MYH10: variants seen among roughly 807,000 people sequenced by gnomAD.
MYH10 encodes myosin heavy chain 10.
Under a neutral mutation model 257.8 loss-of-function variants are expected in MYH10, and 55 were observed. That is an observed-to-expected ratio of 0.21 (90% CI 0.17 to 0.27). The LOEUF (loss-of-function observed/expected upper bound fraction) is 0.27, where lower values mean the gene tolerates loss of function less well. Among genes scored for constraint, MYH10 ranks in the 10% least tolerant of loss-of-function variants. The pLI, the probability that MYH10 is intolerant of heterozygous loss-of-function variation, is 1.00. For synonymous variants in MYH10, 854 were observed against 921.7 expected (o/e 0.93, Z 1.33); for missense variants, 1,631 against 2,500.6 (o/e 0.65, Z 7.42).
At chr17:8,620,352 A>G (rs1396450026) in intron 2 of MYH10, among the ~76,000 whole-genome samples, 1 of 152,232 alleles carries the variant, frequency 6.6e-6, no homozygotes, top group Admixed American at 6.5e-5. Context: ...GAAAATATTT[A>G]GAACTGAAGA....
chr17:8,508,709 G>A, intron 25 of MYH10, 32 bp from the exon 26 acceptor site: 1 of 1,611,834 alleles, frequency 6.2e-7, no homozygotes, highest in Non-Finnish European at 8.5e-7. Flanking sequence ...CTTCAGAAAA[G>A]CCATTCAGAA....
intron 3 of MYH10, among the ~76,000 whole-genome samples, chr17:8,592,558 A>G (rs1361434768): frequency 6.6e-6 from 1 of 151,928 alleles, no homozygotes; most frequent in Non-Finnish European, 1.5e-5. Flanking sequence ...GATGAAAGGG[A>G]TAAATTATTT....
chr17:8,479,298 T>G (rs1047998012), intron 40 of MYH10, among the ~76,000 whole-genome samples: 2 of 152,156 alleles, frequency 1.3e-5, no homozygotes, highest in African/African-American at 2.4e-5. Flanking sequence ...AATCCATGTT[T>G]CCAGATGCAT....
At chr17:8,520,367 G>A (rs553729984) in intron 19 of MYH10, among the ~76,000 whole-genome samples, 61 of 152,230 alleles carry the variant, frequency 4.0e-4, no homozygotes, top group African/African-American at 9.9e-4. Flanking sequence ...ATGGTGGCAC[G>A]TGCCTGTAGT....
At chr17:8,541,537 C>T (rs552835805) in intron 14 of MYH10, among the ~76,000 whole-genome samples, 4 of 152,042 alleles carry the variant, frequency 2.6e-5, no homozygotes, top group South Asian at 2.1e-4. Context: ...GAAGCTTGAA[C>T]GTGAATGAGT....
intron 42 of MYH10, 87 bp downstream of exon 42, chr17:8,476,789 G>T: frequency 7.0e-7 from 1 of 1,426,338 alleles, no homozygotes; most frequent in Non-Finnish European, 9.4e-7. Context: ...ATGGATCTAA[G>T]TAAACTTCCT....
intron 6 of MYH10, among the ~76,000 whole-genome samples, chr17:8,576,018 G>A (rs779603708): frequency 1.5e-4 from 23 of 152,278 alleles, no homozygotes; most frequent in South Asian, 2.1e-4. Flanking sequence ...GTCTTGCTCC[G>A]TTGCCCAGGC....
chr17:8,483,311 AAAG>A (rs1365798039), intron 37 of MYH10, among the ~76,000 whole-genome samples: 1 of 152,202 alleles, frequency 6.6e-6, no homozygotes, highest in African/African-American at 2.4e-5. Flanking sequence ...GTCAGAAAAA[AAAG>A]GAGCAAAAAA....
rs2082445443 is a variant in MYH10 at position 8,546,393 on chromosome 17, A to T, written c.1278+151T>A. ...TTTTTTCGAAAACGAAAAAGTAAAT[A>T]TACTTAAAAAAAAAAAACTCATTTA... On this transcript the variant is annotated intron_variant, in intron 12 of 42. Coordinates refer to ENST00000360416, the MANE Select transcript of MYH10 (RefSeq NM_001256012.3). The T allele has an allele frequency of 5.1e-6, 3 of 591,922 alleles. No individual in the cohort carries two copies. In the Admixed American group the frequency reaches 1.2e-4, roughly 24 times the overall value. 36.7% of individuals were successfully genotyped at this position (591,922 alleles called of 1,614,324 possible).
At chr17:8,475,984 C>T in intron 42 of MYH10, 36 bp from the exon 43 acceptor site, 1 of 1,593,414 alleles carries the variant, frequency 6.3e-7, no homozygotes, top group Non-Finnish European at 8.5e-7. Flanking sequence ...TGTGGGTAAA[C>T]AGACAGGAGC....
At chr17:8,560,411 A>G in intron 7 of MYH10, 1 of 322,394 alleles carries the variant, frequency 3.1e-6, no homozygotes, top group Non-Finnish European at 6.0e-6. Context: ...AGTTAGGTTC[A>G]AAGGAGAAAT....
rs531024208 is a variant in MYH10, at chr17:8,534,356, C to T, written c.1894+1031G>A. ...TCAGGCCCACAGTCTGCTCCCAGGA[C>T]GCATGCGTGCCTGTGTTCAGTGCAT... On this transcript the variant is annotated intron_variant, in intron 16 of 42. Transcript: ENST00000360416. 5.4e-4 allele frequency among the ~76,000 whole-genome samples: 82 copies of T among 152,312 alleles called. 1 individual carries two copies. The highest frequency in any genetic ancestry group is 1.7e-3 in the African/African-American group (72 of 41,576).
chr17:8,609,237 C>A (rs1408762806), intron 2 of MYH10, among the ~76,000 whole-genome samples: 1 of 151,792 alleles, frequency 6.6e-6, no homozygotes, highest in East Asian at 1.9e-4. Context: ...CAAATGTCAA[C>A]GCAATGGAGC....
chr17:8,527,076 A>G (rs776863608), intron 17 of MYH10, among the ~76,000 whole-genome samples: 10 of 152,334 alleles, frequency 6.6e-5, no homozygotes, highest in Middle Eastern at 3.4e-3. Context: ...TCACTGTTAT[A>G]AACAATTTGG....
chr17:8,572,374 T>C (rs1039748405), intron 6 of MYH10, among the ~76,000 whole-genome samples: 1 of 152,074 alleles, frequency 6.6e-6, no homozygotes, highest in Non-Finnish European at 1.5e-5. Flanking sequence ...CAGGTCAAAA[T>C]GATGCTTGGC....
intron 7 of MYH10, among the ~76,000 whole-genome samples, chr17:8,563,916 G>GA (rs2083081053): frequency 6.7e-6 from 1 of 150,092 alleles, no homozygotes; most frequent in Admixed American, 6.6e-5. Context: ...AAGAGAGAGA[G>GA]AAAGAAAATA....
Position 8,531,345 on chromosome 17 carries a change from T to G in MYH10, c.1895-660A>C, listed in dbSNP as rs538599736. 1.2e-4 allele frequency among the ~76,000 whole-genome samples: 18 copies of G among 152,086 alleles called. No homozygotes were observed. In the South Asian group the frequency reaches 3.7e-3, roughly 32 times the overall value. ...GGTACATTGACATGAAAATGCAATCTTTAGGATTTTTTTTTTTCCTCAATA... is the reference window on the plus strand; with the variant it reads ...GGTACATTGACATGAAAATGCAATCGTTAGGATTTTTTTTTTTCCTCAATA... On this transcript the variant is annotated intron_variant, in intron 16 of 42. Coordinates refer to ENST00000360416, the MANE Select transcript of MYH10 (RefSeq NM_001256012.3).
intron 3 of MYH10, among the ~76,000 whole-genome samples, chr17:8,601,973 G>C (rs1014568427): frequency 8.5e-6 from 1 of 117,780 alleles, no homozygotes. Context: ...GCAAGAAACA[G>C]AATCTTTTTT....
intron 16 of MYH10, among the ~76,000 whole-genome samples, chr17:8,532,267 T>G (rs1347226973): frequency 1.3e-5 from 2 of 152,078 alleles, no homozygotes; most frequent in Admixed American, 6.5e-5. Flanking sequence ...CCAAATGCAC[T>G]CCCAACGGCA....
Sources: gnomAD v4.1 joint callset for allele counts (sites outside exome capture counted in the v4.1 genomes callset) on GRCh38, gnomAD v4.1.1 for gene constraint, MANE v1.5 for transcripts, NCBI Gene and HGNC (gene_info 2026-07-23, HGNC 2026-07-21) for gene names.